Variants in HMG20A observed in about 807,000 individuals in gnomAD.
HMG20A encodes high mobility group 20A.
Under a neutral mutation model 43.9 loss-of-function variants are expected in HMG20A, and 17 were observed. The ratio of observed to expected loss-of-function variants is 0.39; its 90% CI spans 0.27 to 0.58. The LOEUF (loss-of-function observed/expected upper bound fraction) is 0.58. Among genes scored for constraint, HMG20A ranks in the 20% least tolerant of loss-of-function variants. The probability of loss-of-function intolerance (pLI) is 0.59; values close to 1 mark genes in which losing one functional copy is unlikely to be tolerated. For synonymous variants in HMG20A, 132 were observed against 147.5 expected, an observed-to-expected ratio of 0.89 and a Z score of 0.76; for missense variants, 341 against 438.2, an observed-to-expected ratio of 0.78 and a Z score of 1.98.
chr15:77,448,810 G>A (rs552276889), intron 1 of HMG20A, among the ~76,000 whole-genome samples: 13 of 150,388 alleles, frequency 8.6e-5, no homozygotes, highest in Middle Eastern at 3.4e-3. Context: ...AAGGCCGGGC[G>A]CGGTGGCTCA....
At chr15:77,510,103 G>T in the HMG20A span, among the ~76,000 whole-genome samples, 2 of 152,108 alleles carry the variant, frequency 1.3e-5, no homozygotes, top group Admixed American at 6.5e-5. Context: ...GGGCATCTGC[G>T]GGTGTATGGG....
At chr15:77,518,583 T>C in the HMG20A span, among the ~76,000 whole-genome samples, 8 of 152,344 alleles carry the variant, frequency 5.3e-5, no homozygotes, top group African/African-American at 1.9e-4. Context: ...TTTATGCTTG[T>C]GCCTTAGCTT....
the HMG20A span, among the ~76,000 whole-genome samples, chr15:77,498,750 C>T: frequency 6.6e-6 from 1 of 152,212 alleles, no homozygotes; most frequent in South Asian, 2.1e-4. Flanking sequence ...AGTGGAAAAA[C>T]ATTTTCCTGG....
At chr15:77,452,865 G>A (rs1347745992) in intron 1 of HMG20A, among the ~76,000 whole-genome samples, 1 of 152,208 alleles carries the variant, frequency 6.6e-6, no homozygotes, top group Non-Finnish European at 1.5e-5. Context: ...TAAGTGTCTA[G>A]TATCTACAAT....
chr15:77,493,178 G>A, the HMG20A span, among the ~76,000 whole-genome samples: 1 of 152,182 alleles, frequency 6.6e-6, no homozygotes, highest in Non-Finnish European at 1.5e-5. Context: ...TAGATGTGAT[G>A]TTGCCATGTG....
rs1480629247 is a variant in HMG20A at position 77,482,100 on chromosome 15, G to A, written c.*7-870G>A. The A allele has an allele frequency of 2.0e-5, 3 of 152,114 alleles. No individual in the cohort carries two copies. The East Asian group carries it at 5.8e-4, about 29-fold the overall frequency. The allele number at this position is 152,114 out of a possible 1,614,324, so 9.4% of individuals were successfully genotyped here. A position where few individuals can be genotyped will look rare whatever the true frequency, so the allele number is the denominator to read the frequency against. ...CTGCGTAGATGAGTACAGAATCCAA[G>A]ACTAGAACCACAGATATCTAAACTC... is the stretch of plus-strand genomic sequence containing the variant. On this transcript the variant is annotated intron_variant, in intron 9 of 9. Transcript: ENST00000336216.
chr15:77,490,154 G>A (rs1429145696), downstream of HMG20A, among the ~76,000 whole-genome samples: 1 of 152,090 alleles, frequency 6.6e-6, no homozygotes, highest in Non-Finnish European at 1.5e-5. Flanking sequence ...TGGACGTGGT[G>A]GCGCGCATCT....
chr15:77,498,853 C>T, the HMG20A span, among the ~76,000 whole-genome samples: 1 of 152,246 alleles, frequency 6.6e-6, no homozygotes, highest in Admixed American at 6.5e-5. Context: ...CATCTCTCCA[C>T]TAAAACCTTG....
chr15:77,479,408 G>T, intron 9 of HMG20A, 87 bp downstream of exon 9: 2 of 1,275,082 alleles, frequency 1.6e-6, no homozygotes, highest in South Asian at 2.8e-5. Context: ...CTAAAACCCT[G>T]GGATTACATT....
chr15:77,433,043 T>C (rs1358025565), intron 1 of HMG20A, among the ~76,000 whole-genome samples: 1 of 152,224 alleles, frequency 6.6e-6, no homozygotes, highest in Non-Finnish European at 1.5e-5. Flanking sequence ...ATCTGAATAC[T>C]GTTTTTATCT....
chr15:77,470,202 A>G (rs2072794501), intron 4 of HMG20A, among the ~76,000 whole-genome samples: 1 of 152,202 alleles, frequency 6.6e-6, no homozygotes, highest in Admixed American at 6.5e-5. Context: ...GTTCATTTAG[A>G]AGCAGTATTT....
the HMG20A span, among the ~76,000 whole-genome samples, chr15:77,504,450 A>C: frequency 6.6e-6 from 1 of 152,200 alleles, no homozygotes; most frequent in Non-Finnish European, 1.5e-5. Flanking sequence ...TTTGCTTGGA[A>C]CAGTCTGACA....
the HMG20A span, among the ~76,000 whole-genome samples, chr15:77,501,566 T>C: frequency 9.2e-5 from 14 of 152,222 alleles, no homozygotes; most frequent in Non-Finnish European, 1.6e-4. Flanking sequence ...TCTACATTCC[T>C]TCCTGAAGAG....
rs192032897 is a variant in HMG20A, at chr15:77,450,425, A to C, written c.-4-7979A>C. Among the ~76,000 whole-genome samples, 568 of 152,316 alleles carry C rather than the reference A, an allele frequency of 3.7e-3. 6 individuals carry two copies. Among genetic ancestry groups the C allele is most frequent in the African/African-American group, 0.012 (518 of 41,570 alleles). ...CATGGCTTGAAGGTAATTTTATAGC[A>C]ATGATTTTATTTATTTTGTGTATGA... On this transcript the variant is annotated intron_variant, in intron 1 of 9. Coordinates refer to ENST00000336216, the MANE Select transcript of HMG20A (RefSeq NM_001304504.2).
At chr15:77,442,710 G>A (rs966627833) in intron 1 of HMG20A, among the ~76,000 whole-genome samples, 15 of 152,018 alleles carry the variant, frequency 9.9e-5, no homozygotes, top group Non-Finnish European at 1.8e-4. Flanking sequence ...TTGTTTGTTT[G>A]TTTTTGAGAT....
At chr15:77,425,246 A>G (rs1318219066) in intron 1 of HMG20A, among the ~76,000 whole-genome samples, 2 of 152,114 alleles carry the variant, frequency 1.3e-5, no homozygotes. Flanking sequence ...TGTTGTAGGT[A>G]GAGTTTATGC....
the HMG20A span, among the ~76,000 whole-genome samples, chr15:77,491,635 C>CAAACGGCTGTGAGCGCA: frequency 2.6e-5 from 4 of 152,112 alleles, no homozygotes; most frequent in Non-Finnish European, 5.9e-5. Context: ...GATAAATGAT[C>CAAACGGCTGTGAGCGCA]AAACGGCTGT....
rs547165557 is a variant in HMG20A at position 77,432,527 on chromosome 15, G to C, written c.-5+11523G>C. ...ACCTGAGGTCAGGAGTTTGAGACCAGCTTGGCCAACATGGCAAAAGCCCAT... is the reference window on the plus strand; with the variant it reads ...ACCTGAGGTCAGGAGTTTGAGACCACCTTGGCCAACATGGCAAAAGCCCAT... On this transcript the variant is annotated intron_variant, in intron 1 of 9. Coordinates refer to ENST00000336216, the MANE Select transcript of HMG20A (RefSeq NM_001304504.2). Among the ~76,000 whole-genome samples the C allele has an allele frequency of 2.6e-5, 4 of 152,218 alleles. No homozygotes were observed. The South Asian group carries it at 8.3e-4, about 32-fold the overall frequency.
chr15:77,479,520 G>A, intron 9 of HMG20A, 199 bp downstream of exon 9: 3 of 509,616 alleles, frequency 5.9e-6, no homozygotes, highest in Non-Finnish European at 1.0e-5. Context: ...AGCTACTTGG[G>A]AGGCTGAGGT....
Sources: gnomAD v4.1 joint callset for allele counts (sites outside exome capture counted in the v4.1 genomes callset) on GRCh38, gnomAD v4.1.1 for gene constraint, MANE v1.5 for transcripts, NCBI Gene and HGNC (gene_info 2026-07-23, HGNC 2026-07-21) for gene names.